SYT1: variants seen among roughly 807,000 people sequenced by gnomAD.
SYT1 encodes synaptotagmin 1.
Under a neutral mutation model 44.8 loss-of-function variants are expected in SYT1, and 8 were observed. The observed-to-expected ratio is 0.18, with a 90% confidence interval of 0.10 to 0.32. The LOEUF is 0.32. Ranked by LOEUF, SYT1 falls within the 10% of genes least tolerant of loss-of-function variation. The probability of loss-of-function intolerance (pLI) is 1.00; values close to 1 mark genes in which losing one functional copy is unlikely to be tolerated. For missense variants in SYT1, 286 were observed against 509.3 expected (o/e 0.56, Z 4.22); for synonymous variants, 154 against 188.8 (o/e 0.82, Z 1.51).
In SYT1 at chr12:79,117,662, C is replaced by CATATATAT. The variant is rs57706449; in HGVS notation, c.-18+70346_-18+70353dup. ...GTGTGTGTGTGTGTGTGTATTACAT[C>CATATATAT]ATATATATATATATATATATATATA... On this transcript the variant is annotated intron_variant, in intron 3 of 10. Coordinates refer to ENST00000261205, the MANE Select transcript of SYT1 (RefSeq NM_005639.3). Among the ~76,000 whole-genome samples the CATATATAT allele has an allele frequency of 2.1e-3, 83 of 39,280 alleles. 2 individuals are homozygous for CATATATAT. Among genetic ancestry groups the CATATATAT allele is most frequent in the Non-Finnish European group, 3.1e-3 (63 of 20,562 alleles). The allele number at this position is 39,280 out of a possible 152,430, so 25.8% of individuals were successfully genotyped here.
chr12:79,448,416 G>A (rs541422997), intron 10 of SYT1, among the ~76,000 whole-genome samples: 2 of 152,142 alleles, frequency 1.3e-5, no homozygotes, highest in East Asian at 3.9e-4. Flanking sequence ...GTAACATGCT[G>A]TCCCCCCACC....
At chr12:79,137,205 C>T (rs60833276) in intron 3 of SYT1, among the ~76,000 whole-genome samples, 1,612 of 152,132 alleles carry the variant, frequency 0.011, 27 homozygotes, top group African/African-American at 0.037. Flanking sequence ...AGGCAATTCT[C>T]CTGTCTCAGC....
intron 9 of SYT1, among the ~76,000 whole-genome samples, chr12:79,355,735 C>T (rs1394561214): frequency 6.6e-6 from 1 of 152,134 alleles, no homozygotes; most frequent in East Asian, 1.9e-4. Context: ...CTCTTCCTTC[C>T]AACAATGTCT....
Position 79,137,783 on chromosome 12 carries a change from G to C in SYT1, c.-17-79720G>C, listed in dbSNP as rs188704492. On this transcript the variant is annotated intron_variant, in intron 3 of 10. Transcript: ENST00000261205. Reference sequence around the variant, plus strand: ...TATAATGCATTTCTTTACATAATTGGTATCATGTTAACTCTTTGTTAGCCT... The same window carrying C: ...TATAATGCATTTCTTTACATAATTGCTATCATGTTAACTCTTTGTTAGCCT... Among the ~76,000 whole-genome samples the C allele has an allele frequency of 2.2e-4, 33 of 152,038 alleles. No homozygotes were observed. In the East Asian group the frequency reaches 5.4e-3, roughly 25 times the overall value.
chr12:79,376,259 A>C (rs1883990627), intron 9 of SYT1, among the ~76,000 whole-genome samples: 2 of 152,196 alleles, frequency 1.3e-5, no homozygotes, highest in African/African-American at 4.8e-5. Flanking sequence ...TAAAGGAATA[A>C]AAGAATGGCT....
chr12:79,247,700 G>T (rs188401479), intron 4 of SYT1, among the ~76,000 whole-genome samples: 190 of 152,202 alleles, frequency 1.2e-3, no homozygotes, highest in Non-Finnish European at 2.2e-3. Flanking sequence ...AACAATGGCA[G>T]TGGAAGACAT....
intron 2 of SYT1, among the ~76,000 whole-genome samples, chr12:79,027,660 A>T (rs573892680): frequency 1.3e-5 from 2 of 151,508 alleles, no homozygotes; most frequent in Non-Finnish European, 3.0e-5. Context: ...TCTTAAAAAA[A>T]TTCATTTTTT....
intron 1 of SYT1, among the ~76,000 whole-genome samples, chr12:78,931,340 GGAAGGAAGGAAGGAAGGAAGGAAGGAA>G (rs1877715689): frequency 1.8e-3 from 15 of 8,350 alleles, no homozygotes; most frequent in Non-Finnish European, 3.0e-3. Flanking sequence ...AGGGAGGGAA[GGAAGGAAGGAAGGAAGGAAGGAAGGAA>G]GGAAGGAAGG....
intron 1 of SYT1, among the ~76,000 whole-genome samples, chr12:78,969,049 A>G (rs545304896): frequency 6.6e-6 from 1 of 152,338 alleles, no homozygotes; most frequent in South Asian, 2.1e-4. Flanking sequence ...TCAACCAATC[A>G]TAGATCAAAA....
chr12:78,966,203 G>A (rs143192932), intron 1 of SYT1, among the ~76,000 whole-genome samples: 2 of 151,982 alleles, frequency 1.3e-5, no homozygotes, highest in African/African-American at 4.8e-5. Flanking sequence ...ACCAACATTT[G>A]CTGAACATTA....
intron 3 of SYT1, among the ~76,000 whole-genome samples, chr12:79,157,992 A>AT (rs1450827915): frequency 1.3e-5 from 2 of 152,064 alleles, no homozygotes; most frequent in Non-Finnish European, 2.9e-5. Flanking sequence ...GCAGTCCCCA[A>AT]TTTTGGCATT....
In SYT1 at chr12:79,142,477, T is replaced by C. The variant is rs578260950; in HGVS notation, c.-17-75026T>C. 2.1e-4 allele frequency among the ~76,000 whole-genome samples: 32 copies of C among 152,246 alleles called. 1 individual carries two copies. The highest frequency in any genetic ancestry group is 5.9e-5 in the Non-Finnish European group (4 of 68,010). On this transcript the variant is annotated intron_variant, in intron 3 of 10. Coordinates refer to ENST00000261205, the MANE Select transcript of SYT1 (RefSeq NM_005639.3). ...TACTAAAAATGTGACCATAAAAAGATGTAAAGAAAAACAAATCAACTTCCA... is the reference window on the plus strand; with the variant it reads ...TACTAAAAATGTGACCATAAAAAGACGTAAAGAAAAACAAATCAACTTCCA...
intron 4 of SYT1, among the ~76,000 whole-genome samples, chr12:79,284,097 CT>C (rs11315632): frequency 0.35 from 52,110 of 149,276 alleles, 9,346 homozygotes; most frequent in East Asian, 0.59. Context: ...TGCCCAGTAT[CT>C]TTTTTTTTTA....
At chr12:79,077,749 A>G (rs1476602209) in intron 3 of SYT1, among the ~76,000 whole-genome samples, 1 of 152,200 alleles carries the variant, frequency 6.6e-6, no homozygotes, top group African/African-American at 2.4e-5. Flanking sequence ...TGTTAGCTGA[A>G]GGGAACTATG....
Position 79,449,092 on chromosome 12 carries a change from G to C in SYT1, c.1237G>C (p.Glu413Gln). Residue 413 changes from glutamate (E) to glutamine (Q), a missense_variant, in exon 11 of 11, where the codon GAA (glutamate) becomes CAA (glutamine). This residue lies in a region of SYT1 where 34 missense variants were observed against 59.0 expected (regional missense o/e 0.58). Transcript: ENST00000261205. ...GTGGCACACCCTGCAGGTAGAGGAG[G>C]AAGTTGATGCCATGCTGGCCGTCAA... ...AQWHTLQVEE[E>Q]VDAMLAVKK 1 of 1,613,776 alleles carries C rather than the reference G, an allele frequency of 6.2e-7. No individual in the cohort carries two copies. The highest frequency in any genetic ancestry group is 8.5e-7 in the Non-Finnish European group (1 of 1,179,836).
At chr12:79,400,370 G>A (rs187489297) in intron 9 of SYT1, among the ~76,000 whole-genome samples, 61 of 152,234 alleles carry the variant, frequency 4.0e-4, no homozygotes, top group East Asian at 1.4e-3. Flanking sequence ...TATTCAGGAC[G>A]TCTCCCCTCC....
chr12:78,973,932 A>T (rs1592621356), intron 1 of SYT1, among the ~76,000 whole-genome samples: 4 of 34,028 alleles, frequency 1.2e-4, no homozygotes, highest in African/African-American at 4.5e-4. Context: ...AAAAAAAAAA[A>T]AAAAAAATAT....
rs542740832 is a variant in SYT1, at chr12:78,904,360, C to T, written c.-217+39251C>T. Among the ~76,000 whole-genome samples the T allele has an allele frequency of 1.4e-4, 21 of 152,162 alleles. No homozygotes were observed. The South Asian group carries it at 2.7e-3, about 20-fold the overall frequency. On this transcript the variant is annotated intron_variant, in intron 1 of 10. Coordinates refer to ENST00000261205, the MANE Select transcript of SYT1 (RefSeq NM_005639.3). ...ATACATTGAAGAGAGACACTATTAACGTGTAAAAATATAAAATTTGAATTT... is the reference window on the plus strand; with the variant it reads ...ATACATTGAAGAGAGACACTATTAATGTGTAAAAATATAAAATTTGAATTT...
intron 1 of SYT1, among the ~76,000 whole-genome samples, chr12:78,878,398 T>A (rs1278198015): frequency 4.6e-5 from 7 of 151,792 alleles, no homozygotes; most frequent in Non-Finnish European, 1.0e-4. Flanking sequence ...CACCTTTCAG[T>A]GCTAACATGT....
Sources: gnomAD v4.1 joint callset for allele counts (sites outside exome capture counted in the v4.1 genomes callset) on GRCh38, gnomAD v4.1.1 for gene constraint, gnomAD v4.1.1 regional missense constraint, MANE v1.5 for transcripts, NCBI Gene and HGNC (gene_info 2026-07-23, HGNC 2026-07-21) for gene names.